TRIP4: variants seen among roughly 807,000 people sequenced by gnomAD.
TRIP4 encodes the protein activating signal cointegrator 1.
Under a neutral mutation model 81.8 loss-of-function variants are expected in TRIP4, and 54 were observed. The ratio of observed to expected loss-of-function variants is 0.66; its 90% CI spans 0.53 to 0.83. TRIP4 has a LOEUF of 0.83. Ranked by LOEUF, TRIP4 falls within the 40% of genes least tolerant of loss-of-function variation. The pLI is 0.00. For missense variants in TRIP4, 662 were observed against 683.6 expected, an observed-to-expected ratio of 0.97 and a Z score of 0.35; for synonymous variants, 270 against 242.8, an observed-to-expected ratio of 1.11 and a Z score of -1.04.
intron 7 of TRIP4, among the ~76,000 whole-genome samples, chr15:64,411,956 A>T (rs1447653361): frequency 6.6e-6 from 1 of 150,666 alleles, no homozygotes; most frequent in Non-Finnish European, 1.5e-5. Context: ...GCTGGGATAC[A>T]GGCGTGAACC....
intron 11 of TRIP4, among the ~76,000 whole-genome samples, chr15:64,442,051 G>A (rs373231162): frequency 5.3e-5 from 8 of 152,244 alleles, no homozygotes; most frequent in African/African-American, 1.9e-4. Context: ...GTGAAGGAGA[G>A]AAGTAAGAGA....
chr15:64,437,198 A>G (rs1379344419), intron 11 of TRIP4, among the ~76,000 whole-genome samples: 1 of 151,644 alleles, frequency 6.6e-6, no homozygotes, highest in Non-Finnish European at 1.5e-5. Context: ...AGGTGGGTGG[A>G]TCACGAGGTT....
At chr15:64,419,251 G>A (rs980958766) in intron 9 of TRIP4, among the ~76,000 whole-genome samples, 5 of 152,182 alleles carry the variant, frequency 3.3e-5, no homozygotes, top group Non-Finnish European at 7.3e-5. Context: ...TACAAAAGTA[G>A]GGGAAATTGA....
intron 9 of TRIP4, among the ~76,000 whole-genome samples, chr15:64,421,501 A>G (rs572407991): frequency 5.3e-4 from 80 of 151,044 alleles, no homozygotes; most frequent in African/African-American, 1.7e-3. Flanking sequence ...ATGCCCGGCT[A>G]ATTTTTGTAT....
intron 9 of TRIP4, among the ~76,000 whole-genome samples, chr15:64,419,499 C>T (rs1891962020): frequency 6.6e-6 from 1 of 151,892 alleles, no homozygotes; most frequent in African/African-American, 2.4e-5. Context: ...GCTGGGACTA[C>T]AGGCGCCCGC....
intron 11 of TRIP4, among the ~76,000 whole-genome samples, chr15:64,436,517 G>A (rs1421160813): frequency 6.6e-6 from 1 of 151,844 alleles, no homozygotes; most frequent in Non-Finnish European, 1.5e-5. Context: ...CTTGAACCAA[G>A]GAGGCGGAGG....
chr15:64,405,405 C>T (rs1442366916), intron 5 of TRIP4, among the ~76,000 whole-genome samples: 2 of 152,164 alleles, frequency 1.3e-5, no homozygotes, highest in Admixed American at 6.5e-5. Flanking sequence ...CCGCCCGCCT[C>T]AGCCTCCCAA....
chr15:64,414,478 GA>G (rs1891843982), intron 8 of TRIP4, among the ~76,000 whole-genome samples: 1 of 145,652 alleles, frequency 6.9e-6, no homozygotes, highest in Non-Finnish European at 1.5e-5. Context: ...AATTTAGACA[GA>G]AATTCCATGG....
chr15:64,390,486 T>C (rs1900093247), intron 1 of TRIP4, among the ~76,000 whole-genome samples: 3 of 150,374 alleles, frequency 2.0e-5, no homozygotes, highest in Admixed American at 1.3e-4. Context: ...AAAAGAAAGA[T>C]TGAGGCTATT....
chr15:64,447,062 C>T (rs572714914), intron 12 of TRIP4, among the ~76,000 whole-genome samples: 1 of 152,252 alleles, frequency 6.6e-6, no homozygotes, highest in African/African-American at 2.4e-5. Context: ...CGAGATTGCA[C>T]CACTGCACTC....
chr15:64,454,903 C>A, intron 12 of TRIP4, 94 bp from the exon 13 acceptor site: 2 of 1,104,764 alleles, frequency 1.8e-6, no homozygotes, highest in Non-Finnish European at 2.7e-6. Context: ...TTGAATGTGA[C>A]AGGAACACAG....
rs181536844 is a variant in TRIP4, at chr15:64,406,717, G to C, written c.827+258G>C. Among the ~76,000 whole-genome samples the C allele has an allele frequency of 7.9e-5, 12 of 152,304 alleles. No homozygotes were observed. In the East Asian group the frequency reaches 2.3e-3, roughly 29 times the overall value. On this transcript the variant is annotated intron_variant, in intron 6 of 12. Transcript: ENST00000261884. Reference sequence around the variant, plus strand: ...GTTAGTATATCCCCTGGACAGTTATGTGAGTTGACAGAATTCACCACTTGT... The same window carrying C: ...GTTAGTATATCCCCTGGACAGTTATCTGAGTTGACAGAATTCACCACTTGT...
intron 9 of TRIP4, among the ~76,000 whole-genome samples, chr15:64,421,468 T>C (rs1455757409): frequency 6.6e-6 from 1 of 151,242 alleles, no homozygotes; most frequent in Non-Finnish European, 1.5e-5. Context: ...CTCGAGTAGC[T>C]GGGATTACAG....
At chr15:64,406,264 T>G (rs1891619564) in intron 5 of TRIP4, 66 bp from the exon 6 acceptor site, 4 of 1,581,726 alleles carry the variant, frequency 2.5e-6, no homozygotes, top group Middle Eastern at 1.7e-4. Flanking sequence ...TGTTCTTTGT[T>G]GCACACTGGT....
chr15:64,412,711 T>C (rs1596345041), intron 7 of TRIP4, among the ~76,000 whole-genome samples: 1 of 152,332 alleles, frequency 6.6e-6, no homozygotes, highest in East Asian at 1.9e-4. Flanking sequence ...CATTATGTTG[T>C]GCCTCACAAT....
chr15:64,393,775 T>A, intron 1 of TRIP4, 171 bp from the exon 2 acceptor site: 6 of 482,236 alleles, frequency 1.2e-5, no homozygotes, highest in Non-Finnish European at 2.0e-5. Context: ...ATGTATACAT[T>A]CATACCAGTT....
intron 11 of TRIP4, among the ~76,000 whole-genome samples, chr15:64,441,805 C>T (rs1157313587): frequency 6.6e-6 from 1 of 152,010 alleles, no homozygotes; most frequent in African/African-American, 2.4e-5. Context: ...AAAAATAAGG[C>T]TGGAGAGGTA....
intron 1 of TRIP4, among the ~76,000 whole-genome samples, chr15:64,392,719 A>T (rs1157711263): frequency 6.6e-6 from 1 of 152,024 alleles, no homozygotes. Flanking sequence ...GACTCAAAGG[A>T]TCCTTCCACC....
chr15:64,388,267 T>C (rs1428744298), intron 1 of TRIP4, among the ~76,000 whole-genome samples: 1 of 152,152 alleles, frequency 6.6e-6, no homozygotes, highest in Non-Finnish European at 1.5e-5. Context: ...CAGGTCAAAC[T>C]GTATTTCCTA....
Sources: gnomAD v4.1 joint callset for allele counts (sites outside exome capture counted in the v4.1 genomes callset) on GRCh38, gnomAD v4.1.1 for gene constraint, MANE v1.5 for transcripts, NCBI Gene and HGNC (gene_info 2026-07-23, HGNC 2026-07-21) for gene names.